FAM13B: variants seen among roughly 807,000 people sequenced by gnomAD.
FAM13B encodes family with sequence similarity 13 member B.
Under a neutral mutation model 117.3 loss-of-function variants are expected in FAM13B, and 60 were observed. The observed-to-expected ratio is 0.51, with a 90% confidence interval of 0.42 to 0.63. The LOEUF (loss-of-function observed/expected upper bound fraction) is 0.63. Ranked by LOEUF, FAM13B falls within the 30% of genes least tolerant of loss-of-function variation. FAM13B has a pLI of 0.00. For synonymous variants in FAM13B, 332 were observed against 356.1 expected, an observed-to-expected ratio of 0.93 and a Z score of 0.76; for missense variants, 972 against 1,091.9, an observed-to-expected ratio of 0.89 and a Z score of 1.55.
intron 11 of FAM13B, 148 bp from the exon 12 acceptor site, chr5:137,960,362 T>C (rs1767818080): frequency 8.2e-6 from 4 of 487,160 alleles, no homozygotes; most frequent in Non-Finnish European, 1.1e-5. Context: ...TGCCCATTCT[T>C]TGGAGCCCTA....
intron 11 of FAM13B, among the ~76,000 whole-genome samples, chr5:137,961,049 A>T (rs1767979049): frequency 6.6e-6 from 1 of 152,188 alleles, no homozygotes; most frequent in African/African-American, 2.4e-5. Flanking sequence ...CTTCTCATAC[A>T]GATAATTACC....
chr5:137,969,601 C>T (rs1180824060), intron 10 of FAM13B, among the ~76,000 whole-genome samples: 1 of 152,206 alleles, frequency 6.6e-6, no homozygotes, highest in Non-Finnish European at 1.5e-5. Flanking sequence ...CGGAACAAAG[C>T]TGGACGGAGA....
chr5:137,939,177 C>A lies in FAM13B; in HGVS notation c.*1048G>T, dbSNP rs982209763. 2 of 151,098 alleles carry A rather than the reference C, an allele frequency of 1.3e-5. No homozygotes were observed. The highest frequency in any genetic ancestry group is 2.9e-5 in the Non-Finnish European group (2 of 67,850). The allele number at this position is 151,098 out of a possible 1,614,324, so 9.4% of individuals were successfully genotyped here. A position where few individuals can be genotyped will look rare whatever the true frequency, so the allele number is the denominator to read the frequency against. On this transcript the variant is annotated 3_prime_UTR_variant, in exon 24 of 24. Coordinates refer to ENST00000689681, the MANE Select transcript of FAM13B (RefSeq NM_001385994.1). ...ACCAAAGGGTGGTCCCTTAAGAGGG[C>A]GTTGTTGTCGTTGTTTTGGTATGGA...
rs973193764 is a variant in FAM13B at position 137,981,519 on chromosome 5, C to T, written c.1179+3738G>A. Among the ~76,000 whole-genome samples, 24 of 152,254 alleles carry T rather than the reference C, an allele frequency of 1.6e-4. No homozygotes were observed. The East Asian group carries it at 4.6e-3, about 29-fold the overall frequency. On this transcript the variant is annotated intron_variant, in intron 10 of 23. Coordinates refer to ENST00000689681, the MANE Select transcript of FAM13B (RefSeq NM_001385994.1). The stretch of plus-strand genomic sequence containing the variant: ...GTGGGGAGGGGGCCAGGTGCAGTGG[C>T]TCACGCCTGTAATCCCAGCACTTTG...
At chr5:138,000,285 G>A (rs980040326) in intron 7 of FAM13B, among the ~76,000 whole-genome samples, 12 of 152,168 alleles carry the variant, frequency 7.9e-5, no homozygotes, top group African/African-American at 2.6e-4. Flanking sequence ...TGTAGTCCTA[G>A]CTATTCATCA....
chr5:137,972,866 A>ACTATG (rs1241624427), intron 10 of FAM13B, among the ~76,000 whole-genome samples: 1 of 152,002 alleles, frequency 6.6e-6, no homozygotes, highest in South Asian at 2.1e-4. Context: ...CAATTGCTTC[A>ACTATG]AAGAGAATAA....
At chr5:137,986,843 T>C (rs1309972473) in intron 9 of FAM13B, among the ~76,000 whole-genome samples, 3 of 152,208 alleles carry the variant, frequency 2.0e-5, no homozygotes, top group Non-Finnish European at 4.4e-5. Flanking sequence ...GCATCCCTAA[T>C]CTGAAAATCC....
At position 137,987,459 on chromosome 5, in the gene FAM13B, A is replaced by T. The variant is rs765675075; in HGVS notation, c.1046+2T>A. 6.2e-7 allele frequency: 1 copy of T among 1,604,836 alleles called. No homozygotes were observed. On this transcript the variant is annotated splice_donor_variant, in intron 9 of 23. Coordinates refer to ENST00000689681, the MANE Select transcript of FAM13B (RefSeq NM_001385994.1). LOFTEE classifies it high-confidence loss of function. ...AATAAACAACAGTAAAATGTTTCTTACTGGTTATTAGATCCTTCCCCATCA... is the reference window on the plus strand; with the variant it reads ...AATAAACAACAGTAAAATGTTTCTTTCTGGTTATTAGATCCTTCCCCATCA...
chr5:137,970,139 A>G (rs1434072919), intron 10 of FAM13B, among the ~76,000 whole-genome samples: 2 of 151,972 alleles, frequency 1.3e-5, no homozygotes, highest in Admixed American at 1.3e-4. Context: ...GAGAAGAGCA[A>G]CACCAAGACA....
At chr5:137,979,802 AATAGCACTAGTC>A (rs1047648541) in intron 10 of FAM13B, among the ~76,000 whole-genome samples, 2 of 152,196 alleles carry the variant, frequency 1.3e-5, no homozygotes, top group African/African-American at 4.8e-5. Flanking sequence ...ATAGTGCCCT[AATAGCACTAGTC>A]ATATTCTGTA....
intron 18 of FAM13B, among the ~76,000 whole-genome samples, chr5:137,948,712 G>C (rs974677077): frequency 6.6e-6 from 1 of 152,084 alleles, no homozygotes; most frequent in Admixed American, 6.6e-5. Context: ...CACTCATCTT[G>C]CCAACTGACT....
At chr5:137,981,403 T>C (rs373208575) in intron 10 of FAM13B, among the ~76,000 whole-genome samples, 32 of 152,068 alleles carry the variant, frequency 2.1e-4, no homozygotes, top group Middle Eastern at 3.2e-3. Flanking sequence ...AGTATGATCA[T>C]ACCACTGCAC....
At chr5:137,984,967 C>T (rs1222090065) in intron 10 of FAM13B, among the ~76,000 whole-genome samples, 2 of 151,880 alleles carry the variant, frequency 1.3e-5, no homozygotes, top group Non-Finnish European at 2.9e-5. Context: ...GATGGGGGTT[C>T]ACCATGTTAG....
At chr5:138,023,721 A>G (rs1787417937) in intron 1 of FAM13B, among the ~76,000 whole-genome samples, 1 of 152,068 alleles carries the variant, frequency 6.6e-6, no homozygotes, top group Non-Finnish European at 1.5e-5. Flanking sequence ...GGCGTGGGCC[A>G]CCACACCCGG....
intron 10 of FAM13B, among the ~76,000 whole-genome samples, chr5:137,975,097 C>T (rs937825027): frequency 2.0e-5 from 3 of 152,104 alleles, no homozygotes; most frequent in Admixed American, 6.6e-5. Flanking sequence ...CTGTGTAGAC[C>T]TTTACACAAA....
chr5:137,981,277 A>G (rs1216444893), intron 10 of FAM13B, among the ~76,000 whole-genome samples: 3 of 151,486 alleles, frequency 2.0e-5, no homozygotes, highest in African/African-American at 7.3e-5. Flanking sequence ...CAGACAATAA[A>G]CAGACTAGTA....
chr5:137,987,921 C>G (rs1777630993), intron 8 of FAM13B, among the ~76,000 whole-genome samples: 1 of 152,144 alleles, frequency 6.6e-6, no homozygotes, highest in African/African-American at 2.4e-5. Context: ...TAAGGCTTTT[C>G]AAAGCTATAC....
rs192271110 is a variant in FAM13B at position 138,008,739 on chromosome 5, T to C, written c.691-1592A>G. 4.9e-3 allele frequency among the ~76,000 whole-genome samples: 743 copies of C among 152,360 alleles called. 10 individuals carry two copies. In the South Asian group the frequency reaches 0.057, roughly 12 times the overall value. On this transcript the variant is annotated intron_variant, in intron 6 of 23. Coordinates refer to ENST00000689681, the MANE Select transcript of FAM13B (RefSeq NM_001385994.1). The stretch of plus-strand genomic sequence containing the variant: ...TCCTAGCTTCTACATGTAACATCAC[T>C]TTTTATATAAATGAAGAGAGTATCC...
rs1181739978 is a variant in FAM13B, at chr5:137,971,255, A to G, written c.1180-8786T>C. On this transcript the variant is annotated intron_variant, in intron 10 of 23. Coordinates refer to ENST00000689681, the MANE Select transcript of FAM13B (RefSeq NM_001385994.1). ...ATGTAAAAGAACAGAAATTATAACA[A>G]ACTATCTCTCAGACCACAGTGCAAT... is the stretch of plus-strand genomic sequence containing the variant. 3.3e-5 allele frequency among the ~76,000 whole-genome samples: 5 copies of G among 151,190 alleles called. No individual in the cohort carries two copies. The East Asian group carries it at 9.7e-4, about 29-fold the overall frequency.
Sources: gnomAD v4.1 joint callset for allele counts (sites outside exome capture counted in the v4.1 genomes callset) on GRCh38, gnomAD v4.1.1 for gene constraint, MANE v1.5 for transcripts, NCBI Gene and HGNC (gene_info 2026-07-23, HGNC 2026-07-21) for gene names.